The following EYS variants were observed in gnomAD, a reference collection of about 807,000 sequenced individuals.
EYS encodes EGF-like photoreceptor maintenance factor, also known as protein eyes shut homolog.
In EYS, 250 loss-of-function variants were observed where a neutral mutation model predicts 282.1. That is an observed-to-expected ratio of 0.89 (90% confidence interval 0.80 to 0.98). The LOEUF (loss-of-function observed/expected upper bound fraction) is 0.98. EYS is among the 50% of genes least tolerant of loss of function. The pLI, the probability that EYS is intolerant of heterozygous loss-of-function variation, is 0.00. For synonymous variants in EYS, 1,355 were observed against 1,282.9 expected (o/e 1.06, Z -1.20); for missense variants, 4,016 against 3,709.0 (o/e 1.08, Z -2.15).
Position 64,439,251 on chromosome 6 carries a change from A to T in EYS, c.5746T>A (p.Ser1916Thr). 6.6e-7 allele frequency: 1 copy of T among 1,514,716 alleles called. No homozygotes were observed. The highest frequency in any genetic ancestry group is 8.8e-7 in the Non-Finnish European group (1 of 1,131,262). 93.8% of individuals were successfully genotyped at this position (1,514,716 alleles called of 1,614,324 possible). The change falls in exon 27 of 43, where the codon TCC (serine) becomes ACC (threonine). Residue 1916 changes from serine (S) to threonine (T), a missense_variant. Physicochemically the swap from Ser to Thr is moderately conservative, Grantham distance 58. Coordinates refer to ENST00000503581, the MANE Select transcript of EYS (RefSeq NM_001142800.2). The stretch of plus-strand genomic sequence containing the variant: ...TTGACATACAGCAGAAGTCCATAGG[A>T]GCTGAAGGTCTGAAATTCTAGGGAG... ...NISLEFQTFS[S>T]YGLLLYVKQD... is the part of the protein sequence containing the mutation.
Position 64,825,288 on chromosome 6 carries a change from TTA to T in EYS, c.2993-2468_2993-2467del, listed in dbSNP as rs896661289. 4.6e-5 allele frequency among the ~76,000 whole-genome samples: 7 copies of T among 151,906 alleles called. No individual in the cohort carries two copies. In the Admixed American group the frequency reaches 4.6e-4, roughly 10 times the overall value. On this transcript the variant is annotated intron_variant, in intron 19 of 42. Coordinates refer to ENST00000503581, the MANE Select transcript of EYS (RefSeq NM_001142800.2). ...AATCCGCAATTGCCATTATCCTGTTTTATGTTTCCCTCCTGTAACAAGTAATC... is the reference window on the plus strand; with the variant it reads ...AATCCGCAATTGCCATTATCCTGTTTTGTTTCCCTCCTGTAACAAGTAATC...
At chr6:64,121,200 C>T (rs968858713) in intron 31 of EYS, among the ~76,000 whole-genome samples, 2 of 152,156 alleles carry the variant, frequency 1.3e-5, no homozygotes, top group African/African-American at 4.8e-5. Flanking sequence ...CATAATCATG[C>T]GGATGAGCAG....
chr6:64,445,104 G>A (rs1320800214), intron 26 of EYS, among the ~76,000 whole-genome samples: 3 of 152,150 alleles, frequency 2.0e-5, no homozygotes, highest in African/African-American at 7.2e-5. Context: ...TTGTTTAAAT[G>A]TGCTTGGAAA....
chr6:64,654,461 A>G (rs1768676652), intron 22 of EYS, among the ~76,000 whole-genome samples: 1 of 152,224 alleles, frequency 6.6e-6, no homozygotes. Context: ...CATGAATTAT[A>G]TGGAACTAAC....
chr6:63,823,103 T>C (rs533296705), intron 36 of EYS, among the ~76,000 whole-genome samples: 1 of 152,318 alleles, frequency 6.6e-6, no homozygotes, highest in South Asian at 2.1e-4. Flanking sequence ...TGAATAACCT[T>C]GGTATTCTTA....
chr6:63,955,353 T>C (rs558476621), intron 35 of EYS, among the ~76,000 whole-genome samples: 1 of 152,308 alleles, frequency 6.6e-6, no homozygotes, highest in African/African-American at 2.4e-5. Context: ...TGGTTTTACC[T>C]CAAACTGCCA....
At chr6:64,551,866 CTGT>C (rs1582885561) in intron 26 of EYS, among the ~76,000 whole-genome samples, 1 of 152,186 alleles carries the variant, frequency 6.6e-6, no homozygotes, top group Non-Finnish European at 1.5e-5. Flanking sequence ...TCTCCAGCAC[CTGT>C]TGTTTCCTGA....
chr6:65,533,476 C>G (rs115897734), intron 2 of EYS, among the ~76,000 whole-genome samples: 8,131 of 152,042 alleles, frequency 0.053, 308 homozygotes, highest in Non-Finnish European at 0.081. Context: ...CCTTCTTAAC[C>G]CATTTTATGA....
intron 19 of EYS, among the ~76,000 whole-genome samples, chr6:64,823,391 C>A (rs543833750): frequency 3.2e-4 from 49 of 151,878 alleles, no homozygotes; most frequent in African/African-American, 1.2e-3. Context: ...ACTTCCTGTT[C>A]ACACAAAAAC....
intron 19 of EYS, among the ~76,000 whole-genome samples, chr6:64,855,416 G>A (rs551150048): frequency 4.6e-5 from 7 of 151,138 alleles, no homozygotes; most frequent in South Asian, 4.2e-4. Context: ...CTTATTTTTC[G>A]CTTTTATTCC....
At chr6:64,948,253 C>T (rs1336039911) in intron 14 of EYS, among the ~76,000 whole-genome samples, 1 of 151,064 alleles carries the variant, frequency 6.6e-6, no homozygotes, top group Non-Finnish European at 1.5e-5. Flanking sequence ...CTAAAAATAA[C>T]CCAGAGTTTG....
chr6:63,896,539 T>C lies in EYS; in HGVS notation c.7056-32181A>G, dbSNP rs547172831. On this transcript the variant is annotated intron_variant, in intron 35 of 42. Coordinates refer to ENST00000503581, the MANE Select transcript of EYS (RefSeq NM_001142800.2). ...CCTCAGAGCGGTACATGGGTTACAA[T>C]TGATGAGGCTACACTGACACATTTT... is the stretch of plus-strand genomic sequence containing the variant. 2.6e-5 allele frequency among the ~76,000 whole-genome samples: 4 copies of C among 152,314 alleles called. No homozygotes were observed. The South Asian group carries it at 6.2e-4, about 24-fold the overall frequency.
At chr6:64,287,670 C>A (rs1768550566) in intron 30 of EYS, among the ~76,000 whole-genome samples, 1 of 151,872 alleles carries the variant, frequency 6.6e-6, no homozygotes, top group African/African-American at 2.4e-5. Context: ...TTCAAAATCC[C>A]ACCCTCTGTT....
chr6:64,789,884 G>GATATATATATATAT (rs56097288), intron 22 of EYS, among the ~76,000 whole-genome samples: 3 of 148,684 alleles, frequency 2.0e-5, no homozygotes, highest in African/African-American at 7.4e-5. Flanking sequence ...AAAGTTGTAT[G>GATATATATATATAT]ATATATATAT....
At chr6:64,568,959 C>T (rs1254485618) in intron 26 of EYS, among the ~76,000 whole-genome samples, 2 of 141,582 alleles carry the variant, frequency 1.4e-5, no homozygotes, top group African/African-American at 5.4e-5. Flanking sequence ...GACGCCCACA[C>T]AGAAACCCCA....
intron 2 of EYS, among the ~76,000 whole-genome samples, chr6:65,575,164 T>C (rs79569516): frequency 0.016 from 2,436 of 151,842 alleles, 70 homozygotes; most frequent in African/African-American, 0.056. Context: ...CTGCTAAAAA[T>C]ACAAAATTTT....
intron 26 of EYS, among the ~76,000 whole-genome samples, chr6:64,450,869 G>C (rs186656543): frequency 6.6e-6 from 1 of 152,118 alleles, no homozygotes; most frequent in African/African-American, 2.4e-5. Context: ...TGTATAGAGG[G>C]AAATTTATAG....
chr6:64,166,727 C>T (rs953504206), intron 31 of EYS, among the ~76,000 whole-genome samples: 5 of 152,192 alleles, frequency 3.3e-5, no homozygotes, highest in Non-Finnish European at 5.9e-5. Context: ...TATGTTCTTT[C>T]ATTCAACTTC....
intron 5 of EYS, among the ~76,000 whole-genome samples, chr6:65,407,026 T>C (rs1180979398): frequency 2.6e-5 from 4 of 152,134 alleles, no homozygotes; most frequent in African/African-American, 9.7e-5. Context: ...TATAGGAATT[T>C]TATTAAATCA....
Sources: allele counts gnomAD v4.1 joint callset (sites outside exome capture counted in the v4.1 genomes callset), GRCh38; gene constraint gnomAD v4.1.1; transcripts MANE v1.5; gene names NCBI Gene and HGNC (gene_info 2026-07-23, HGNC 2026-07-21).